KRT83: variants seen among roughly 807,000 people sequenced by gnomAD.
The protein encoded by KRT83 is keratin, type II cuticular Hb3.
In KRT83, 51 loss-of-function variants were observed where a neutral mutation model predicts 52.9. The ratio of observed to expected loss-of-function variants is 0.96; its 90% confidence interval spans 0.77 to 1.22. The LOEUF is 1.22. Ranked by LOEUF, KRT83 falls within the 50% of genes most tolerant of loss-of-function variation. The pLI is 0.00. For missense variants in KRT83, 654 were observed against 666.5 expected, an observed-to-expected ratio of 0.98 and a Z score of 0.21; for synonymous variants, 278 against 274.1, an observed-to-expected ratio of 1.01 and a Z score of -0.14.
chr12:52,318,907 A>C (rs547314483), intron 2 of KRT83, among the ~76,000 whole-genome samples: 134 of 152,358 alleles, frequency 8.8e-4, no homozygotes, highest in African/African-American at 3.1e-3. Flanking sequence ...AAAGGGACCC[A>C]GGAATACAAG....
At chr12:52,319,780 T>C (rs1484861102) in intron 1 of KRT83, among the ~76,000 whole-genome samples, 4 of 152,226 alleles carry the variant, frequency 2.6e-5, no homozygotes, top group African/African-American at 9.6e-5. Flanking sequence ...CAGGTGGACC[T>C]TTTTAGAAAG....
rs752019274 is a variant in KRT83, at chr12:52,316,629, G to A, written c.916-36C>T. 1.9e-6 allele frequency: 3 copies of A among 1,614,130 alleles called. No homozygotes were observed. The South Asian group carries it at 3.3e-5, about 18-fold the overall frequency. Reference sequence around the variant, plus strand: ...CAGAGATGTTCATGAGGCTCAGGATGAGACATCCCATTCATTCAGGACAGC... The same window carrying A: ...CAGAGATGTTCATGAGGCTCAGGATAAGACATCCCATTCATTCAGGACAGC... On this transcript the variant is annotated intron_variant, in intron 5 of 8. Coordinates refer to ENST00000293670, the MANE Select transcript of KRT83 (RefSeq NM_002282.3).
chr12:52,314,434 A>G lies in KRT83; in HGVS notation c.*197T>C, dbSNP rs944802096. 1.4e-5 allele frequency: 9 copies of G among 636,562 alleles called. No homozygotes were observed. The highest frequency in any genetic ancestry group is 1.1e-4 in the African/African-American group (6 of 55,488). The allele number at this position is 636,562 out of a possible 1,614,324, so 39.4% of individuals were successfully genotyped here. A position where few individuals can be genotyped will look rare whatever the true frequency, so the allele number is the denominator to read the frequency against. On this transcript the variant is annotated 3_prime_UTR_variant, in exon 9 of 9. Transcript: ENST00000293670. ...GCTGAAGGCTGAGACAGGGGAAGGA[A>G]TGGGTCTATTCCCCAGCCACAGGCC...
At chr12:52,316,725 C>A (rs1938693766) in intron 5 of KRT83, 132 bp from the exon 6 acceptor site, 2 of 1,591,170 alleles carry the variant, frequency 1.3e-6, no homozygotes, top group Non-Finnish European at 1.7e-6. Flanking sequence ...CCTGCCACCC[C>A]AACATGAGAG....
chr12:52,314,886 G>T, intron 8 of KRT83, 68 bp from the exon 9 acceptor site: 1 of 1,449,956 alleles, frequency 6.9e-7, no homozygotes, highest in Non-Finnish European at 9.5e-7. Context: ...CCTTCCTTTG[G>T]TCTGTCTGAT....
intron 1 of KRT83, among the ~76,000 whole-genome samples, chr12:52,320,228 TG>T (rs1401272859): frequency 1.4e-4 from 21 of 152,356 alleles, no homozygotes; most frequent in African/African-American, 5.1e-4. Flanking sequence ...CTTGAGGTTT[TG>T]GCTCTGGAGG....
chr12:52,317,621 G>A (rs2121342541), intron 4 of KRT83, 60 bp downstream of exon 4: 5 of 1,568,896 alleles, frequency 3.2e-6, no homozygotes, highest in Non-Finnish European at 4.4e-6. Flanking sequence ...TGGGTGTCTG[G>A]GCAGAGGGTC....
At chr12:52,315,426 TC>T (rs1938670992) in intron 7 of KRT83, 83 bp from the exon 8 acceptor site, 1 of 1,367,092 alleles carries the variant, frequency 7.3e-7, no homozygotes, top group Non-Finnish European at 1.0e-6. Context: ...CTGAAATGGG[TC>T]ATCTCAGGGC....
intron 1 of KRT83, 86 bp from the exon 2 acceptor site, chr12:52,319,450 C>A: frequency 6.4e-7 from 1 of 1,570,658 alleles, no homozygotes; most frequent in East Asian, 2.3e-5. Flanking sequence ...CCTGAAAGCC[C>A]CCAACTCTCT....
At chr12:52,320,256 G>A (rs1411534794) in intron 1 of KRT83, among the ~76,000 whole-genome samples, 1 of 152,146 alleles carries the variant, frequency 6.6e-6, no homozygotes, top group Admixed American at 6.5e-5. Flanking sequence ...TCCAACCCCA[G>A]AACATGTTCC....
chr12:52,321,157 C>G lies in KRT83; in HGVS notation c.179G>C (p.Arg60Pro), dbSNP rs771602377. 2 of 1,612,346 alleles carry G rather than the reference C, an allele frequency of 1.2e-6. No individual in the cohort carries two copies. The highest frequency in any genetic ancestry group is 2.2e-5 in the South Asian group (2 of 90,942). ...FGSHSVCGGF[R>P]AGSCGRSFGY... The stretch of plus-strand genomic sequence containing the variant: ...GAAGCTGCGTCCGCAGGAGCCGGCG[C>G]GGAAGCCCCCGCACACGCTGTGGCT... Residue 60 changes from arginine (R) to proline (P), a missense_variant, in exon 1 of 9, where the codon CGC (arginine) becomes CCC (proline). Transcript: ENST00000293670.
rs151316742 is a variant in KRT83, at chr12:52,315,962, A to G, written c.1193T>C (p.Met398Thr). Residue 398 changes from methionine to threonine, a missense_variant, in exon 7 of 9, where the codon ATG (methionine) becomes ACG (threonine). Met to Thr is a moderately conservative substitution (Grantham distance 81, BLOSUM62 -1). Transcript: ENST00000293670. ...GATATCCAGGCCTAGCTTGGAGTTC[A>G]TCACCTCCTGGTACTCCCTGATCAG... The part of the protein sequence containing the change: ...ACLIREYQEV[M>T]NSKLGLDIEI... 6 of 1,612,972 alleles carry G rather than the reference A, an allele frequency of 3.7e-6. No homozygotes were observed. The highest frequency in any genetic ancestry group is 2.7e-5 in the African/African-American group (2 of 74,992).
rs1420695770 is a variant in KRT83 at position 52,316,899 on chromosome 12, G to A, written c.875C>T (p.Thr292Ile). 4 of 1,614,202 alleles carry A rather than the reference G, an allele frequency of 2.5e-6. No homozygotes were observed. The highest frequency in any genetic ancestry group is 3.4e-6 in the Non-Finnish European group (4 of 1,180,036). Residue 292 changes from threonine (T) to isoleucine (I), a missense_variant, in exon 5 of 9, where the codon ACC becomes ATC. Coordinates refer to ENST00000293670, the MANE Select transcript of KRT83 (RefSeq NM_002282.3). The part of the protein sequence containing the change: ...EIKAQYDDIA[T>I]RSRAEAESWY... ...GGACTCGGCCTCAGCCCGGCTACGG[G>A]TGGCAATGTCATCATACTGTGCCTT...
rs76211393 is a variant in KRT83, at chr12:52,319,607, C to A, written c.385-243G>T. On this transcript the variant is annotated intron_variant, in intron 1 of 8. Coordinates refer to ENST00000293670, the MANE Select transcript of KRT83 (RefSeq NM_002282.3). ...GTGTCATGGAAAATGCTTGAAGAGT[C>A]CAGATTCTGCTGCCACTTGTTAACA... Among the ~76,000 whole-genome samples, 39 of 152,300 alleles carry A rather than the reference C, an allele frequency of 2.6e-4. No individual in the cohort carries two copies. The East Asian group carries it at 6.8e-3, about 26-fold the overall frequency.
At chr12:52,316,323 A>C in intron 6 of KRT83, 145 bp downstream of exon 6, 2 of 1,320,832 alleles carry the variant, frequency 1.5e-6, no homozygotes, top group South Asian at 1.3e-5. Context: ...CAAGACAATC[A>C]GAAATATTTC....
At chr12:52,319,394 T>TGCA in intron 1 of KRT83, 30 bp from the exon 2 acceptor site, 1 of 1,610,900 alleles carries the variant, frequency 6.2e-7, no homozygotes, top group Admixed American at 1.7e-5. Flanking sequence ...CCTAAGAACC[T>TGCA]CTTCTTGCAG....
rs755397937 is a variant in KRT83, at chr12:52,317,948, G to A, written c.616C>T (p.Arg206Ter). 20 of 1,613,864 alleles carry A rather than the reference G, an allele frequency of 1.2e-5. No homozygotes were observed. The highest frequency in any genetic ancestry group is 1.4e-5 in the Non-Finnish European group (17 of 1,179,988). Residue 206 changes from arginine (R) to a stop codon, truncating the protein, a stop_gained, in exon 3 of 9, where the codon CGA becomes TGA. Coordinates refer to ENST00000293670, the MANE Select transcript of KRT83 (RefSeq NM_002282.3). LOFTEE classifies it high-confidence loss of function. Reference protein sequence around the residue: ...KKKYEEEVALRATAENEFVAL... With the variant: ...KKKYEEEVAL ...ACAAACTCGTTCTCTGCTGTGGCTC[G>A]AAGTGCTACTTCTTCTTCATACCTG...
In KRT83 at chr12:52,316,494, C is replaced by A; in HGVS notation, c.1015G>T (p.Ala339Ser). Residue 339 changes from alanine (A) to serine (S), a missense_variant, in exon 6 of 9, where the codon GCC (alanine) becomes TCC (serine). By Grantham distance (99) the Ala-to-Ser change is moderately conservative. Transcript: ENST00000293670. ...ELNRMIQRLTAEVENAKCQNS... is the reference protein window; with the variant it reads ...ELNRMIQRLTSEVENAKCQNS... Reference sequence around the variant, plus strand: ...TGGCACTTGGCATTCTCCACCTCGGCTGTCAGCCTCTGGATCATGCGGTTC... The same window carrying A: ...TGGCACTTGGCATTCTCCACCTCGGATGTCAGCCTCTGGATCATGCGGTTC... 6.2e-7 allele frequency: 1 copy of A among 1,614,182 alleles called. No individual in the cohort carries two copies. Among genetic ancestry groups the A allele is most frequent in the African/African-American group, 1.3e-5 (1 of 75,038 alleles).
chr12:52,316,562 T>G lies in KRT83; in HGVS notation c.947A>C (p.His316Pro). 6 of 1,614,138 alleles carry G rather than the reference T, an allele frequency of 3.7e-6. No homozygotes were observed. The highest frequency in any genetic ancestry group is 5.1e-6 in the Non-Finnish European group (6 of 1,180,034). The change falls in exon 6 of 9, where the codon CAC becomes CCC. Residue 316 changes from histidine to proline, a missense_variant. Coordinates refer to ENST00000293670, the MANE Select transcript of KRT83 (RefSeq NM_002282.3). ...CEEMKATVIR[H>P]GETLRRTKEE... ...CTTGGTGCGGCGCAGGGTCTCCCCG[T>G]GCCTGATCACTGTGGCCTTCATCTC...
Sources: gnomAD v4.1 joint callset for allele counts (sites outside exome capture counted in the v4.1 genomes callset) on GRCh38, gnomAD v4.1.1 for gene constraint, MANE v1.5 for transcripts, NCBI Gene and HGNC (gene_info 2026-07-23, HGNC 2026-07-21) for gene names.